PARG: variants seen among roughly 807,000 people sequenced by gnomAD.
PARG encodes the protein mitochondrial poly(ADP-ribose) glycohydrolase.
In PARG, 35 loss-of-function variants were observed where a neutral mutation model predicts 113.0. The observed-to-expected ratio is 0.31, with a 90% CI of 0.24 to 0.41. The LOEUF (loss-of-function observed/expected upper bound fraction) is 0.41, where lower values mean the gene tolerates loss of function less well. PARG is among the 10% of genes least tolerant of loss of function. The pLI is 1.00. For missense variants in PARG, 797 were observed against 1,169.4 expected (o/e 0.68, Z 4.64); for synonymous variants, 330 against 409.9 (o/e 0.81, Z 2.36).
intron 8 of PARG, among the ~76,000 whole-genome samples, chr10:49,881,462 A>C (rs1847210645): frequency 1.3e-5 from 2 of 152,244 alleles, no homozygotes; most frequent in African/African-American, 4.8e-5. Flanking sequence ...GTTAAGTTTC[A>C]AAATGCTCCC....
chr10:49,911,913 T>C (rs1388226220), intron 7 of PARG, among the ~76,000 whole-genome samples: 1 of 152,224 alleles, frequency 6.6e-6, no homozygotes, highest in Non-Finnish European at 1.5e-5. Flanking sequence ...TAAACGTAAC[T>C]GCAAAATATT....
intron 4 of PARG, 134 bp downstream of exon 4, chr10:49,931,966 T>C (rs1838508853): frequency 3.1e-6 from 2 of 641,934 alleles, no homozygotes; most frequent in Non-Finnish European, 5.6e-6. Flanking sequence ...CTCCATTCTG[T>C]AGAATTCTCA....
chr10:49,836,663 AT>A (rs782314757), intron 15 of PARG, among the ~76,000 whole-genome samples: 18 of 152,170 alleles, frequency 1.2e-4, no homozygotes, highest in Non-Finnish European at 1.8e-4. Flanking sequence ...AGTGACACAT[AT>A]TTTATGAAAA....
chr10:49,857,591 G>A (rs1244056305), intron 12 of PARG, 138 bp from the exon 13 acceptor site: 6 of 587,658 alleles, frequency 1.0e-5, no homozygotes, highest in South Asian at 8.2e-5. Flanking sequence ...CCCAGGAAGG[G>A]CAGATTTTGG....
intron 15 of PARG, among the ~76,000 whole-genome samples, chr10:49,834,359 A>C (rs1844813230): frequency 6.6e-6 from 1 of 152,180 alleles, no homozygotes; most frequent in Non-Finnish European, 1.5e-5. Flanking sequence ...TCTCTGTTTT[A>C]TACTATCAGG....
At chr10:49,880,979 C>T (rs1554839352) in intron 8 of PARG, among the ~76,000 whole-genome samples, 1 of 152,148 alleles carries the variant, frequency 6.6e-6, no homozygotes, top group African/African-American at 2.4e-5. Flanking sequence ...ATCCCTATTC[C>T]TTTCCAGGTG....
intron 10 of PARG, 25 bp downstream of exon 10, chr10:49,869,451 T>C: frequency 1.4e-6 from 1 of 722,174 alleles, no homozygotes; most frequent in Non-Finnish European, 2.5e-6. Context: ...CAAGAAAAAT[T>C]ACAGTAAGAA....
intron 15 of PARG, among the ~76,000 whole-genome samples, chr10:49,835,248 T>C (rs1315561395): frequency 6.6e-6 from 1 of 152,158 alleles, no homozygotes; most frequent in African/African-American, 2.4e-5. Flanking sequence ...GCGTTTGTTT[T>C]TCCCCCACCC....
chr10:49,900,953 G>T lies in PARG; in HGVS notation c.1737+14964C>A, dbSNP rs187866979. 1.3e-3 allele frequency among the ~76,000 whole-genome samples: 204 copies of T among 152,294 alleles called. 1 individual carries two copies. The highest frequency in any genetic ancestry group is 4.6e-3 in the African/African-American group (193 of 41,554). On this transcript the variant is annotated intron_variant, in intron 7 of 17. Transcript: ENST00000616448. ...CAAAATTTCAGAGAAACAGCTAATG[G>T]TGATGTAAGTTTTCCAGCCCTAGAA...
intron 13 of PARG, among the ~76,000 whole-genome samples, chr10:49,852,806 C>T (rs1174236987): frequency 6.6e-6 from 1 of 150,800 alleles, no homozygotes; most frequent in Non-Finnish European, 1.5e-5. Flanking sequence ...CCTTGTGATG[C>T]CCCCTGCCTC....
chr10:49,847,409 CAT>C (rs1485417327), intron 13 of PARG, among the ~76,000 whole-genome samples: 1 of 151,418 alleles, frequency 6.6e-6, no homozygotes, highest in Non-Finnish European at 1.5e-5. Flanking sequence ...AGTGCTATCA[CAT>C]GTCTCCTCAA....
At chr10:49,938,921 T>C (rs1421858541) in intron 1 of PARG, among the ~76,000 whole-genome samples, 1 of 152,154 alleles carries the variant, frequency 6.6e-6, no homozygotes, top group African/African-American at 2.4e-5. Context: ...ACAAATATAG[T>C]CTTCGAACAT....
At chr10:49,864,199 T>C (rs1588914622) in intron 11 of PARG, among the ~76,000 whole-genome samples, 1 of 152,106 alleles carries the variant, frequency 6.6e-6, no homozygotes, top group East Asian at 1.9e-4. Context: ...GCGGCCGGGG[T>C]TCCTTTCAGA....
At chr10:49,891,573 C>T (rs1847783873) in intron 7 of PARG, among the ~76,000 whole-genome samples, 1 of 131,612 alleles carries the variant, frequency 7.6e-6, no homozygotes, top group South Asian at 2.4e-4. Flanking sequence ...AGGAAATATC[C>T]TCATAATCCT....
chr10:49,867,886 T>C (rs1554837201), intron 10 of PARG, among the ~76,000 whole-genome samples: 1 of 152,294 alleles, frequency 6.6e-6, no homozygotes, highest in Non-Finnish European at 1.5e-5. Context: ...TACTTCGTTA[T>C]AATAATTCTA....
chr10:49,830,378 T>A (rs1045083446), intron 16 of PARG, among the ~76,000 whole-genome samples: 1 of 152,196 alleles, frequency 6.6e-6, no homozygotes, highest in South Asian at 2.1e-4. Context: ...CATGCAGTTT[T>A]TGTCTTTGAA....
In PARG at chr10:49,857,432, C is replaced by T; in HGVS notation, c.2227G>A (p.Val743Ile). The change falls in exon 13 of 18, where the codon GTT (valine) becomes ATT (isoleucine). Residue 743 changes from valine (V) to isoleucine (I), a missense_variant. Around this residue, in one of 5 missense-constraint regions of PARG, gnomAD observed 40 missense variants for 124.5 expected, o/e 0.32. Transcript: ENST00000616448. ...MLQVDFANRF[V>I]GGGVTSAGLV... is the part of the protein sequence containing the mutation. ...CCTGCACTGGTTACACCACCTCCAA[C>T]AAAACGATTTGCAAAATCCACCTGT... 6.2e-7 allele frequency: 1 copy of T among 1,612,732 alleles called. No homozygotes were observed. The highest frequency in any genetic ancestry group is 8.5e-7 in the Non-Finnish European group (1 of 1,179,340).
chr10:49,856,553 TC>T (rs1845999822), intron 13 of PARG, among the ~76,000 whole-genome samples: 1 of 152,258 alleles, frequency 6.6e-6, no homozygotes, highest in East Asian at 1.9e-4. Context: ...TAAATACTGT[TC>T]CTGTGCTTCT....
rs183654481 is a variant in PARG at position 49,893,945 on chromosome 10, A to G, written c.1738-8650T>C. 3.7e-4 allele frequency among the ~76,000 whole-genome samples: 56 copies of G among 152,052 alleles called. No homozygotes were observed. The East Asian group carries it at 6.0e-3, about 16-fold the overall frequency. On this transcript the variant is annotated intron_variant, in intron 7 of 17. Transcript: ENST00000616448. ...GATCTCCTGACCTCGTGATCCACCC[A>G]CCTTGGCCTCCCAAAGTGCTGGGAT...
Sources: gnomAD v4.1 joint callset for allele counts (sites outside exome capture counted in the v4.1 genomes callset) on GRCh38, gnomAD v4.1.1 for gene constraint, gnomAD v4.1.1 regional missense constraint, MANE v1.5 for transcripts, NCBI Gene and HGNC (gene_info 2026-07-23, HGNC 2026-07-21) for gene names.